Variants in HCN4 observed in about 807,000 individuals in gnomAD.
The protein encoded by HCN4 is hyperpolarization activated cyclic nucleotide gated potassium channel 4.
Under a neutral mutation model 76.9 loss-of-function variants are expected in HCN4, and 29 were observed. That is an observed-to-expected ratio of 0.38 (90% CI 0.28 to 0.51). The LOEUF is 0.51. Ranked by LOEUF, HCN4 falls within the 20% of genes least tolerant of loss-of-function variation. HCN4 has a pLI of 0.90. For synonymous variants in HCN4, 772 were observed against 762.5 expected (o/e 1.01, Z -0.21); for missense variants, 1,416 against 1,715.2 (o/e 0.83, Z 3.08).
chr15:73,341,069 G>GGGGTGTGTGTGTGTGT (rs1491312112), intron 2 of HCN4: 6 of 145,902 alleles, frequency 4.1e-5, no homozygotes, highest in African/African-American at 1.5e-4. Context: ...GAGGGAGGTA[G>GGGGTGTGTGTGTGTGT]GTGTGTGTGT....
At chr15:73,330,557 C>G (rs1028336955) in intron 3 of HCN4, among the ~76,000 whole-genome samples, 1 of 152,216 alleles carries the variant, frequency 6.6e-6, no homozygotes, top group African/African-American at 2.4e-5. Context: ...AGAGAGGACA[C>G]TGCCCCAGAT....
intron 4 of HCN4, among the ~76,000 whole-genome samples, chr15:73,329,087 ACCGGGGC>A (rs1445790624): frequency 6.6e-6 from 1 of 152,122 alleles, no homozygotes; most frequent in Non-Finnish European, 1.5e-5. Context: ...AAACCACAGC[ACCGGGGC>A]CCCAGACAGA....
intron 2 of HCN4, among the ~76,000 whole-genome samples, chr15:73,336,331 G>T (rs1333862728): frequency 2.0e-5 from 3 of 152,152 alleles, no homozygotes; most frequent in Admixed American, 2.0e-4. Flanking sequence ...CTGGCTAAAG[G>T]GCTCCCCAGG....
Position 73,368,241 on chromosome 15 carries a change from C to T in HCN4, c.30G>A (p.Lys10=). MDKLPPSMR[K]RLYSLPQQVG... is the part of the protein sequence containing the mutation. ...CCTGCTGCGGGAGGCTGTAGAGCCG[C>T]TTGCGCATGGACGGCGGCAGCTTGT... The change falls in exon 1 of 8, where the codon AAG becomes AAA. Residue 10 remains lysine, a synonymous_variant. Coordinates refer to ENST00000261917, the MANE Select transcript of HCN4 (RefSeq NM_005477.3). The surrounding 1 kb of genome is among the most constrained non-coding windows in gnomAD (Gnocchi z 6.9). The T allele has an allele frequency of 1.3e-6, 2 of 1,510,362 alleles. No homozygotes were observed. The highest frequency in any genetic ancestry group is 1.8e-6 in the Non-Finnish European group (2 of 1,131,976). 93.6% of individuals were successfully genotyped at this position (1,510,362 alleles called of 1,614,324 possible). A position where few individuals can be genotyped will look rare whatever the true frequency, so the allele number is the denominator to read the frequency against.
rs2043135658 is a variant in HCN4, at chr15:73,367,760, G to A, written c.511C>T (p.Pro171Ser). Residue 171 changes from proline (P) to serine (S), a missense_variant, in exon 1 of 8, where the codon CCA becomes TCA. This residue lies in a region of HCN4 where 355 missense variants were observed against 347.8 expected (regional missense o/e 1.02). Coordinates refer to ENST00000261917, the MANE Select transcript of HCN4 (RefSeq NM_005477.3). This position sits in a 1 kb window ranked among gnomAD's most constrained non-coding sequence, Gnocchi z 7.5. ...CAGGAGGCGGAGGCCGGCTGCGGTG[G>A]CTGCTGGGGCGGCGGCGGCGAGGCT... is the stretch of plus-strand genomic sequence containing the variant. ...PAASPPPPQQ[P>S]PQPASASCEQ... The A allele has an allele frequency of 6.5e-7, 1 of 1,530,534 alleles. No homozygotes were observed. The highest frequency in any genetic ancestry group is 8.7e-7 in the Non-Finnish European group (1 of 1,146,396). The allele number at this position is 1,530,534 out of a possible 1,614,324, so 94.8% of individuals were successfully genotyped here.
chr15:73,361,135 C>A (rs1405286566), intron 1 of HCN4, among the ~76,000 whole-genome samples: 1 of 152,200 alleles, frequency 6.6e-6, no homozygotes, highest in East Asian at 1.9e-4. Flanking sequence ...CCAAACAGAG[C>A]ACATCTGGAT....
At chr15:73,346,090 G>A (rs1463540487) in intron 1 of HCN4, among the ~76,000 whole-genome samples, 1 of 152,216 alleles carries the variant, frequency 6.6e-6, no homozygotes. Context: ...TGAGCTTCCA[G>A]ATGCTCAGGG....
Position 73,343,390 on chromosome 15 carries a change from C to T in HCN4, c.1204G>A (p.Glu402Lys). ...GGTTTGCACTGACCACTTACCTCTT[C>T]CCACTGGTGAATATATCGAATGAGG... ...SRLIRYIHQW[E>K]EIFHMTYDLA... Residue 402 changes from glutamate (E) to lysine (K), a missense_variant, in exon 2 of 8, where the codon GAA (glutamate) becomes AAA (lysine). Physicochemically the swap from Glu to Lys is moderately conservative, Grantham distance 56. Around this residue, in one of 6 missense-constraint regions of HCN4, gnomAD observed 112 missense variants for 259.9 expected, o/e 0.43. Transcript: ENST00000261917. The surrounding 1 kb of genome is among the most constrained non-coding windows in gnomAD (Gnocchi z 5.7). 2 of 1,614,056 alleles carry T rather than the reference C, an allele frequency of 1.2e-6. No homozygotes were observed. Among genetic ancestry groups the T allele is most frequent in the Non-Finnish European group, 1.7e-6 (2 of 1,179,994 alleles).
intron 2 of HCN4, among the ~76,000 whole-genome samples, chr15:73,334,699 C>A (rs548842471): frequency 1.3e-5 from 2 of 151,988 alleles, no homozygotes; most frequent in East Asian, 4.0e-4. Flanking sequence ...CAGCCTCCCC[C>A]TCAAACAAGC....
Position 73,329,689 on chromosome 15 carries a change from C to T in HCN4, c.1474G>A (p.Val492Ile), listed in dbSNP as rs772144022. The T allele has an allele frequency of 2.5e-5, 41 of 1,614,070 alleles. No individual in the cohort carries two copies. Among genetic ancestry groups the T allele is most frequent in the East Asian group, 1.8e-4 (8 of 44,886 alleles). ...ATCATGCTGAGCATGGTGAGCCAGA[C>T]GTCGGACATGCCCACGGGCGCCTGC... is the stretch of plus-strand genomic sequence containing the variant. Reference protein sequence around the residue: ...GRQAPVGMSDVWLTMLSMIVG... With the variant: ...GRQAPVGMSDIWLTMLSMIVG... The change falls in exon 4 of 8, where the codon GTC becomes ATC. Residue 492 changes from valine to isoleucine, a missense_variant. Val to Ile is a conservative substitution (Grantham distance 29, BLOSUM62 3). Transcript: ENST00000261917.
In HCN4 at chr15:73,322,940, G is replaced by A; in HGVS notation, c.3153C>T (p.Ser1051=). 1 of 1,421,344 alleles carries A rather than the reference G, an allele frequency of 7.0e-7. No individual in the cohort carries two copies. Among genetic ancestry groups the A allele is most frequent in the Non-Finnish European group, 9.3e-7 (1 of 1,079,746 alleles). 88.0% of individuals were successfully genotyped at this position (1,421,344 alleles called of 1,614,324 possible). Residue 1051 remains serine, a synonymous_variant, in exon 8 of 8, where the codon TCC becomes TCT. Transcript: ENST00000261917. The part of the protein sequence containing the change: ...APPRASGSHG[S]LLLPPASSPP... ...GGCTGGATGCAGGTGGCAGGAGCAA[G>A]GATCCGTGGGAGCCAGAGGCCCGGG... is the stretch of plus-strand genomic sequence containing the variant.
At chr15:73,342,294 TTTTA>T (rs936787006) in intron 2 of HCN4, 2 of 152,298 alleles carry the variant, frequency 1.3e-5, no homozygotes, top group African/African-American at 4.8e-5. Flanking sequence ...TTTTTCAATG[TTTTA>T]TTTTCCTCCT....
In HCN4 at chr15:73,343,926, AG is replaced by A; in HGVS notation, c.786-119del. ...GAGAAGTCTTGGGAGGTTCTGAGAC[AG>A]GAAGACAGGCACATGGGTACCAGGG... On this transcript the variant is annotated intron_variant, in intron 1 of 7. Transcript: ENST00000261917. The surrounding 1 kb of genome is among the most constrained non-coding windows in gnomAD (Gnocchi z 5.7). 1 of 1,019,006 alleles carries A rather than the reference AG, an allele frequency of 9.8e-7. No homozygotes were observed. Among genetic ancestry groups the A allele is most frequent in the Non-Finnish European group, 1.5e-6 (1 of 659,916 alleles). 63.1% of individuals were successfully genotyped at this position (1,019,006 alleles called of 1,614,324 possible).
intron 1 of HCN4, among the ~76,000 whole-genome samples, chr15:73,356,877 G>C (rs1300707873): frequency 6.6e-6 from 1 of 152,164 alleles, no homozygotes; most frequent in Non-Finnish European, 1.5e-5. Flanking sequence ...TACCAATGGG[G>C]TTGGATATTG....
At chr15:73,349,360 C>A (rs570932344) in intron 1 of HCN4, among the ~76,000 whole-genome samples, 167 of 151,906 alleles carry the variant, frequency 1.1e-3, no homozygotes, top group African/African-American at 3.5e-3. Context: ...TAAAAAAAAA[C>A]CCCTATGAGG....
At chr15:73,334,110 C>A (rs2042948596) in intron 2 of HCN4, among the ~76,000 whole-genome samples, 1 of 152,136 alleles carries the variant, frequency 6.6e-6, no homozygotes, top group Non-Finnish European at 1.5e-5. Flanking sequence ...CCTCCCCAGC[C>A]CCTGCACACA....
At chr15:73,334,790 C>T (rs960287387) in intron 2 of HCN4, among the ~76,000 whole-genome samples, 3 of 152,138 alleles carry the variant, frequency 2.0e-5, no homozygotes, top group African/African-American at 4.8e-5. Flanking sequence ...CCGTCATAGA[C>T]GCAAGGGTGG....
At position 73,325,942 on chromosome 15, in the gene HCN4, A is replaced by T. The variant is rs2042896421; in HGVS notation, c.1591-498T>A. Among the ~76,000 whole-genome samples the T allele has an allele frequency of 6.6e-6, 1 of 152,174 alleles. No individual in the cohort carries two copies. Among genetic ancestry groups the T allele is most frequent in the Admixed American group, 6.5e-5 (1 of 15,284 alleles). Reference sequence around the variant, plus strand: ...GATGCCTGGCTGCTCGATGCTATGAATCCAAACGTGGCCTCAGCTGAGACC... The same window carrying T: ...GATGCCTGGCTGCTCGATGCTATGATTCCAAACGTGGCCTCAGCTGAGACC... On this transcript the variant is annotated intron_variant, in intron 4 of 7. Transcript: ENST00000261917. The surrounding 1 kb of genome is among the most constrained non-coding windows in gnomAD (Gnocchi z 7.4).
chr15:73,368,282 C>T lies in HCN4; in HGVS notation c.-12G>A. 1.4e-6 allele frequency: 2 copies of T among 1,480,222 alleles called. No homozygotes were observed. Among genetic ancestry groups the T allele is most frequent in the Non-Finnish European group, 1.8e-6 (2 of 1,119,790 alleles). The allele number at this position is 1,480,222 out of a possible 1,614,324, so 91.7% of individuals were successfully genotyped here. On this transcript the variant is annotated 5_prime_UTR_variant, in exon 1 of 8. Coordinates refer to ENST00000261917, the MANE Select transcript of HCN4 (RefSeq NM_005477.3). The surrounding 1 kb of genome is among the most constrained non-coding windows in gnomAD (Gnocchi z 6.9). ...GGCAGCTTGTCCATGGCGCCAGGGG[C>T]CGGGGTCGGACCGGGCCGGGGGCAG...
Sources: allele counts gnomAD v4.1 joint callset (sites outside exome capture counted in the v4.1 genomes callset), GRCh38; gene constraint gnomAD v4.1.1; regional missense constraint gnomAD v4.1.1; non-coding constraint Gnocchi (gnomAD v3.1); transcripts MANE v1.5; gene names NCBI Gene and HGNC (gene_info 2026-07-23, HGNC 2026-07-21).